The following SVEP1 variants were observed in gnomAD, a reference collection of about 807,000 sequenced individuals.
SVEP1 encodes sushi, von Willebrand factor type A, EGF and pentraxin domain containing 1, also known as sushi, von Willebrand factor type A, EGF and pentraxin domain-containing protein 1.
Under a neutral mutation model 367.3 loss-of-function variants are expected in SVEP1, and 164 were observed. The observed-to-expected ratio is 0.45, with a 90% CI of 0.39 to 0.51. SVEP1 has a LOEUF of 0.51. Among genes scored for constraint, SVEP1 ranks in the 20% least tolerant of loss-of-function variants. SVEP1 has a pLI of 0.00. For missense variants in SVEP1, 4,117 were observed against 4,425.3 expected, an observed-to-expected ratio of 0.93 and a Z score of 1.98; for synonymous variants, 1,666 against 1,611.6, an observed-to-expected ratio of 1.03 and a Z score of -0.81.
intron 36 of SVEP1, among the ~76,000 whole-genome samples, chr9:110,417,163 G>T (rs1013552170): frequency 6.6e-6 from 1 of 151,454 alleles, no homozygotes; most frequent in East Asian, 1.9e-4. Flanking sequence ...CAGCGTGAGC[G>T]ACGCAGAAGA....
chr9:110,498,959 G>T, intron 7 of SVEP1, 82 bp downstream of exon 7: 1 of 1,219,652 alleles, frequency 8.2e-7, no homozygotes, highest in Non-Finnish European at 1.1e-6. Flanking sequence ...AGCAAAAGTT[G>T]CAAAGAAGGA....
chr9:110,458,238 T>G (rs1588063339), intron 20 of SVEP1: 1 of 600,610 alleles, frequency 1.7e-6, no homozygotes. Context: ...TCATTCTTAT[T>G]GCCAGGCATT....
At chr9:110,476,789 T>C (rs1039750425) in intron 13 of SVEP1, among the ~76,000 whole-genome samples, 3 of 152,194 alleles carry the variant, frequency 2.0e-5, no homozygotes, top group African/African-American at 4.8e-5. Flanking sequence ...GAAAATATTC[T>C]AGAAATACTA....
chr9:110,434,276 G>C, intron 30 of SVEP1, 60 bp downstream of exon 30: 2 of 1,509,268 alleles, frequency 1.3e-6, no homozygotes, highest in Non-Finnish European at 1.8e-6. Context: ...TTCCTGAAAA[G>C]AGTTATGTTT....
intron 3 of SVEP1, among the ~76,000 whole-genome samples, chr9:110,533,465 G>T (rs1830044830): frequency 6.6e-6 from 1 of 152,132 alleles, no homozygotes; most frequent in South Asian, 2.1e-4. Context: ...AACTATACAT[G>T]ATATGAGCAC....
chr9:110,434,348 G>T lies in SVEP1; in HGVS notation c.5047C>A (p.Pro1683Thr). Residue 1683 changes from proline to threonine, a missense_variant, in exon 30 of 48, where the codon CCT becomes ACT. Coordinates refer to ENST00000374469, the MANE Select transcript of SVEP1 (RefSeq NM_153366.4). ...AAAGGCAGCTCACGTTCACAGTGAG[G>T]AAGTGGTTGTGTCCACTGTCCTTGA... ...LNQGQWTQPL[P>T]HCERISCGVP... The T allele has an allele frequency of 6.2e-7, 1 of 1,606,084 alleles. No homozygotes were observed. The highest frequency in any genetic ancestry group is 8.5e-7 in the Non-Finnish European group (1 of 1,173,906).
chr9:110,406,497 C>G lies in SVEP1; in HGVS notation c.9103G>C (p.Gly3035Arg). 1 of 1,613,842 alleles carries G rather than the reference C, an allele frequency of 6.2e-7. No homozygotes were observed. Among genetic ancestry groups the G allele is most frequent in the East Asian group, 2.2e-5 (1 of 44,878 alleles). The change falls in exon 38 of 48, where the codon GGC (glycine) becomes CGC (arginine). Residue 3035 changes from glycine to arginine, a missense_variant. Coordinates refer to ENST00000374469, the MANE Select transcript of SVEP1 (RefSeq NM_153366.4). ...GKAARIQCFK[G>R]FKLLGLSEIT... Reference sequence around the variant, plus strand: ...TCAGAAAGTCCTAGGAGCTTGAAGCCTTTGAAGCACTGAATCCGGGCTGCC... The same window carrying G: ...TCAGAAAGTCCTAGGAGCTTGAAGCGTTTGAAGCACTGAATCCGGGCTGCC...
At chr9:110,366,900 T>C (rs1827210367) in intron 47 of SVEP1, among the ~76,000 whole-genome samples, 1 of 152,238 alleles carries the variant, frequency 6.6e-6, no homozygotes, top group Non-Finnish European at 1.5e-5. Context: ...TCTATGGTTT[T>C]TCATTATGAT....
intron 1 of SVEP1, among the ~76,000 whole-genome samples, chr9:110,552,419 G>C (rs1318345930): frequency 6.6e-6 from 1 of 152,048 alleles, no homozygotes; most frequent in Non-Finnish European, 1.5e-5. Flanking sequence ...AGTGGAATGG[G>C]GCTGGAGGAC....
At position 110,465,975 on chromosome 9, in the gene SVEP1, G is replaced by A; in HGVS notation, c.3212C>T (p.Ser1071Leu). The change falls in exon 18 of 48, where the codon TCG becomes TTG. Residue 1071 changes from serine (S) to leucine (L), a missense_variant. Physicochemically the swap from Ser to Leu is moderately radical, Grantham distance 145. Transcript: ENST00000374469. Reference protein sequence around the residue: ...YSYSGLETCESCPLGTYQPKF... With the variant: ...YSYSGLETCELCPLGTYQPKF... ...TGGCTGATAAGTGCCCAGTGGACAC[G>A]ATTCACAAGTCTCAAGTCCACTGTA... The A allele has an allele frequency of 1.2e-6, 2 of 1,613,460 alleles. No individual in the cohort carries two copies. Among genetic ancestry groups the A allele is most frequent in the Non-Finnish European group, 1.7e-6 (2 of 1,179,676 alleles).
intron 7 of SVEP1, 89 bp from the exon 8 acceptor site, chr9:110,497,022 T>C (rs1160323251): frequency 1.3e-6 from 1 of 799,614 alleles, no homozygotes; most frequent in Non-Finnish European, 1.9e-6. Context: ...GTTATATTAA[T>C]ACACTGTGAC....
intron 18 of SVEP1, among the ~76,000 whole-genome samples, chr9:110,461,568 T>C (rs1045165034): frequency 6.6e-6 from 1 of 152,098 alleles, no homozygotes; most frequent in Non-Finnish European, 1.5e-5. Context: ...GGGTATGCCA[T>C]GTCATAGCAT....
intron 5 of SVEP1, among the ~76,000 whole-genome samples, chr9:110,511,113 G>C (rs1400462805): frequency 6.6e-6 from 1 of 152,184 alleles, no homozygotes; most frequent in Non-Finnish European, 1.5e-5. Flanking sequence ...AATGGACACA[G>C]TTTTCTGTTT....
At chr9:110,439,425 CT>C (rs936070226) in intron 27 of SVEP1, among the ~76,000 whole-genome samples, 1 of 152,068 alleles carries the variant, frequency 6.6e-6, no homozygotes, top group African/African-American at 2.4e-5. Flanking sequence ...CAGAGTGTCA[CT>C]CTTGTTGCCC....
At chr9:110,381,780 A>G (rs545833613) in intron 43 of SVEP1, among the ~76,000 whole-genome samples, 2 of 152,290 alleles carry the variant, frequency 1.3e-5, no homozygotes, top group African/African-American at 4.8e-5. Context: ...TAATATTGAC[A>G]GTGAGGTGTT....
chr9:110,366,614 A>C, intron 47 of SVEP1, 54 bp from the exon 48 acceptor site: 2 of 1,493,760 alleles, frequency 1.3e-6, no homozygotes, highest in Non-Finnish European at 1.8e-6. Context: ...AATTGAACTG[A>C]AGAGCTAACA....
intron 1 of SVEP1, among the ~76,000 whole-genome samples, chr9:110,555,211 G>T (rs1167343396): frequency 4.6e-5 from 7 of 151,182 alleles, no homozygotes; most frequent in Non-Finnish European, 1.0e-4. Context: ...TAGAAAGGAG[G>T]AGAAGTGGGG....
Position 110,407,937 on chromosome 9 carries a change from G to A in SVEP1, c.7663C>T (p.His2555Tyr). The change falls in exon 38 of 48, where the codon CAC becomes TAC. Residue 2555 changes from histidine to tyrosine, a missense_variant. Physicochemically the swap from His to Tyr is moderately conservative, Grantham distance 83. Coordinates refer to ENST00000374469, the MANE Select transcript of SVEP1 (RefSeq NM_153366.4). Reference sequence around the variant, plus strand: ...TCAATGGGTTGTGGGGAATCACAGTGGATGGCATTGCAAGATGGGGCATCT... The same window carrying A: ...TCAATGGGTTGTGGGGAATCACAGTAGATGGCATTGCAAGATGGGGCATCT... The part of the protein sequence containing the change: ...DVDAPSCNAI[H>Y]CDSPQPIENG... 1 of 1,613,966 alleles carries A rather than the reference G, an allele frequency of 6.2e-7. No individual in the cohort carries two copies. The highest frequency in any genetic ancestry group is 8.5e-7 in the Non-Finnish European group (1 of 1,179,902).
At chr9:110,572,786 TCA>T (rs1491535746) in intron 1 of SVEP1, among the ~76,000 whole-genome samples, 3 of 48,766 alleles carry the variant, frequency 6.2e-5, no homozygotes, top group Non-Finnish European at 1.0e-4. Flanking sequence ...TCTCTCTCTC[TCA>T]CAAAAAAAAA....
Sources: allele counts gnomAD v4.1 joint callset (sites outside exome capture counted in the v4.1 genomes callset), GRCh38; gene constraint gnomAD v4.1.1; transcripts MANE v1.5; gene names NCBI Gene and HGNC (gene_info 2026-07-23, HGNC 2026-07-21).